F13A1: variants seen among roughly 807,000 people sequenced by gnomAD.
The protein encoded by F13A1 is FSF, A subunit.
In F13A1, 47 loss-of-function variants were observed where a neutral mutation model predicts 80.1. That is an observed-to-expected ratio of 0.59 (90% CI 0.46 to 0.75). The LOEUF (loss-of-function observed/expected upper bound fraction) is 0.75, where lower values mean the gene tolerates loss of function less well. F13A1 is among the 30% of genes least tolerant of loss of function. The pLI is 0.00. For missense variants in F13A1, 817 were observed against 930.4 expected, an observed-to-expected ratio of 0.88 and a Z score of 1.59; for synonymous variants, 349 against 344.9, an observed-to-expected ratio of 1.01 and a Z score of -0.13.
intron 6 of F13A1, among the ~76,000 whole-genome samples, chr6:6,246,028 C>A (rs1267842): frequency 0.37 from 56,956 of 152,148 alleles, 11,309 homozygotes; most frequent in Non-Finnish European, 0.46. Context: ...AGCTCTGTCG[C>A]CCTGCAACAG....
At chr6:6,316,098 T>TAC (rs1561689704) in intron 2 of F13A1, among the ~76,000 whole-genome samples, 6 of 27,360 alleles carry the variant, frequency 2.2e-4, no homozygotes, top group African/African-American at 1.2e-3. Flanking sequence ...TATATATATA[T>TAC]ATATATATAT....
At chr6:6,308,987 G>A (rs538804578) in intron 2 of F13A1, among the ~76,000 whole-genome samples, 46 of 152,008 alleles carry the variant, frequency 3.0e-4, no homozygotes, top group Non-Finnish European at 5.0e-4. Flanking sequence ...ATTTATTTGT[G>A]CAATTGTTTT....
In F13A1 at chr6:6,152,052, T is replaced by C. The variant is rs76049652; in HGVS notation, c.1909-103A>G. 235 of 1,443,754 alleles carry C rather than the reference T, an allele frequency of 1.6e-4. No individual in the cohort carries two copies. The African/African-American group carries it at 2.7e-3, about 17-fold the overall frequency. 89.4% of individuals were successfully genotyped at this position (1,443,754 alleles called of 1,614,324 possible). On this transcript the variant is annotated intron_variant, in intron 13 of 14. Coordinates refer to ENST00000264870, the MANE Select transcript of F13A1 (RefSeq NM_000129.4). Reference sequence around the variant, plus strand: ...TTACTAGAGTTTTATGATACAGTTATTTTTTTGGCAATGGAACCAGTGTGA... The same window carrying C: ...TTACTAGAGTTTTATGATACAGTTACTTTTTTGGCAATGGAACCAGTGTGA...
chr6:6,247,856 C>T (rs1315285648), intron 6 of F13A1, among the ~76,000 whole-genome samples: 20 of 152,212 alleles, frequency 1.3e-4, no homozygotes, highest in Admixed American at 9.8e-4. Flanking sequence ...AGTGACACAT[C>T]CTTGTGACAG....
intron 12 of F13A1, 135 bp downstream of exon 12, chr6:6,174,445 T>C: frequency 1.0e-6 from 1 of 960,530 alleles, no homozygotes; most frequent in Non-Finnish European, 1.7e-6. Context: ...GAGTGGGTTC[T>C]CCCTGTGAGG....
rs1757617500 is a variant in F13A1 at position 6,250,639 on chromosome 6, C to T, written c.690+172G>A. 6.6e-6 allele frequency among the ~76,000 whole-genome samples: 1 copy of T among 152,188 alleles called. No homozygotes were observed. The highest frequency in any genetic ancestry group is 1.5e-5 in the Non-Finnish European group (1 of 68,038). On this transcript the variant is annotated intron_variant, in intron 5 of 14. Transcript: ENST00000264870. The surrounding 1 kb of genome is among the most constrained non-coding windows in gnomAD (Gnocchi z 4.2). ...ATGTGGTTTCAGCTGATAAATTACG[C>T]AGTTGTCTTTATGAGTCCCTACTCC...
intron 8 of F13A1, among the ~76,000 whole-genome samples, chr6:6,218,740 C>T (rs531043916): frequency 2.6e-5 from 4 of 152,250 alleles, no homozygotes; most frequent in East Asian, 3.9e-4. Context: ...AGGGGACCTA[C>T]GGTGGCAAAC....
intron 4 of F13A1, among the ~76,000 whole-genome samples, chr6:6,253,348 T>G (rs1214313519): frequency 2.0e-5 from 3 of 152,194 alleles, no homozygotes; most frequent in Non-Finnish European, 4.4e-5. Context: ...AACTTTAGGC[T>G]TATTTTGGCT....
intron 2 of F13A1, among the ~76,000 whole-genome samples, chr6:6,306,052 T>A (rs1417153592): frequency 6.6e-6 from 1 of 152,214 alleles, no homozygotes; most frequent in Non-Finnish European, 1.5e-5. Context: ...AAAATTCTCC[T>A]TTTACCTCAA....
In F13A1 at chr6:6,286,983, G is replaced by A. The variant is rs1993554; in HGVS notation, c.319+18368C>T. The stretch of plus-strand genomic sequence containing the variant: ...ACATAGTTGCAATATTGAAAATAAG[G>A]CTGGTAATTGGGTCATCTTATTAGG... On this transcript the variant is annotated intron_variant, in intron 3 of 14. Transcript: ENST00000264870. Among the ~76,000 whole-genome samples the A allele has an allele frequency of 5.1e-3, 776 of 152,204 alleles. 24 individuals are homozygous for A. The highest frequency in any genetic ancestry group is 2.1e-3 in the East Asian group (11 of 5,176).
chr6:6,317,254 C>G (rs2113205244), intron 2 of F13A1, among the ~76,000 whole-genome samples: 1 of 152,276 alleles, frequency 6.6e-6, no homozygotes, highest in South Asian at 2.1e-4. Flanking sequence ...TACCTTCAGC[C>G]TCTATTTCCT....
At chr6:6,233,501 G>A (rs1031318715) in intron 6 of F13A1, among the ~76,000 whole-genome samples, 2 of 151,912 alleles carry the variant, frequency 1.3e-5, no homozygotes, top group Non-Finnish European at 2.9e-5. Flanking sequence ...GGATTCACAG[G>A]AGAATTCTAC....
At chr6:6,239,967 C>G (rs1021876303) in intron 6 of F13A1, among the ~76,000 whole-genome samples, 18 of 152,232 alleles carry the variant, frequency 1.2e-4, no homozygotes, top group Admixed American at 2.0e-4. Flanking sequence ...TCCTAAAGGG[C>G]TGAGCTGGCT....
Position 6,243,412 on chromosome 6 carries a change from G to C in F13A1, c.798+4900C>G, listed in dbSNP as rs113455620. On this transcript the variant is annotated intron_variant, in intron 6 of 14. Transcript: ENST00000264870. This position sits in a 1 kb window ranked among gnomAD's most constrained non-coding sequence, Gnocchi z 4.2. ...ATCATATCATATTTGGTACCTGATC[G>C]TCTTTGGAAGCTCATTCTCCAGGGC... Among the ~76,000 whole-genome samples, 1 of 151,940 alleles carries C rather than the reference G, an allele frequency of 6.6e-6. No homozygotes were observed. Among genetic ancestry groups the C allele is most frequent in the African/African-American group, 2.4e-5 (1 of 41,330 alleles).
At chr6:6,180,065 G>A (rs1005985298) in intron 11 of F13A1, among the ~76,000 whole-genome samples, 6 of 152,164 alleles carry the variant, frequency 3.9e-5, no homozygotes, top group Admixed American at 6.5e-5. Context: ...TGGACAGCTC[G>A]CTTCCTGCTG....
intron 8 of F13A1, among the ~76,000 whole-genome samples, chr6:6,200,995 C>A (rs1473811246): frequency 1.3e-5 from 2 of 152,142 alleles, no homozygotes; most frequent in Non-Finnish European, 2.9e-5. Context: ...CAGAAGGACC[C>A]AGGGAAAAAC....
intron 8 of F13A1, among the ~76,000 whole-genome samples, chr6:6,205,799 AC>A (rs1271381353): frequency 2.4e-4 from 37 of 152,066 alleles, no homozygotes; most frequent in African/African-American, 8.9e-4. Context: ...AAGTTATAAA[AC>A]AAAACAAAAC....
At chr6:6,285,888 C>A (rs1203854254) in intron 3 of F13A1, among the ~76,000 whole-genome samples, 2 of 152,176 alleles carry the variant, frequency 1.3e-5, no homozygotes, top group Admixed American at 1.3e-4. Flanking sequence ...CACTAAGAGC[C>A]AAAATGGCGG....
chr6:6,207,012 T>G (rs962063537), intron 8 of F13A1, among the ~76,000 whole-genome samples: 2 of 151,852 alleles, frequency 1.3e-5, no homozygotes, highest in Non-Finnish European at 2.9e-5. Flanking sequence ...TGAGAACACT[T>G]GCAAATATGA....
Sources: gnomAD v4.1 joint callset for allele counts (sites outside exome capture counted in the v4.1 genomes callset) on GRCh38, gnomAD v4.1.1 for gene constraint, Gnocchi (gnomAD v3.1) non-coding constraint, MANE v1.5 for transcripts, NCBI Gene and HGNC (gene_info 2026-07-23, HGNC 2026-07-21) for gene names.